GABRB2: variants seen among roughly 807,000 people sequenced by gnomAD.
The protein encoded by GABRB2 is gamma-aminobutyric acid receptor subunit beta-2.
GABRB2 carries 16 observed loss-of-function variants against 54.7 expected under a neutral mutation model. The observed-to-expected ratio is 0.29, with a 90% CI of 0.20 to 0.44. GABRB2 has a LOEUF of 0.44. GABRB2 is among the 20% of genes least tolerant of loss of function. The probability of loss-of-function intolerance (pLI) is 1.00; values close to 1 mark genes in which losing one functional copy is unlikely to be tolerated. For missense variants in GABRB2, 355 were observed against 644.0 expected, an observed-to-expected ratio of 0.55 and a Z score of 4.86; for synonymous variants, 244 against 233.8, an observed-to-expected ratio of 1.04 and a Z score of -0.40.
At chr5:161,542,941 T>A (rs1019801803) in intron 3 of GABRB2, among the ~76,000 whole-genome samples, 7 of 152,166 alleles carry the variant, frequency 4.6e-5, no homozygotes, top group Non-Finnish European at 1.0e-4. Context: ...CAAATAATCA[T>A]CTTTAAAAAA....
At chr5:161,369,164 T>C (rs1755058819) in intron 5 of GABRB2, among the ~76,000 whole-genome samples, 1 of 152,208 alleles carries the variant, frequency 6.6e-6, no homozygotes, top group South Asian at 2.1e-4. Flanking sequence ...TTAGAAATTC[T>C]GATAAAGTTC....
intron 5 of GABRB2, among the ~76,000 whole-genome samples, chr5:161,390,724 A>G (rs1018144658): frequency 1.3e-5 from 2 of 152,110 alleles, no homozygotes; most frequent in Non-Finnish European, 2.9e-5. Flanking sequence ...GTGAAATCTG[A>G]GAGCTAACAC....
At chr5:161,363,305 A>G (rs906202028) in intron 5 of GABRB2, among the ~76,000 whole-genome samples, 6 of 152,074 alleles carry the variant, frequency 3.9e-5, no homozygotes, top group African/African-American at 1.4e-4. Flanking sequence ...ACATGTTCTC[A>G]CTCATAAATG....
At chr5:161,498,320 T>A (rs1284486379) in intron 3 of GABRB2, among the ~76,000 whole-genome samples, 1 of 149,274 alleles carries the variant, frequency 6.7e-6, no homozygotes, top group East Asian at 2.0e-4. Flanking sequence ...CTTTCGTTAA[T>A]GAAAAGTTGA....
At chr5:161,535,716 G>A (rs930056059) in intron 3 of GABRB2, among the ~76,000 whole-genome samples, 2 of 152,090 alleles carry the variant, frequency 1.3e-5, no homozygotes, top group African/African-American at 4.8e-5. Context: ...CACAATACCT[G>A]CACAAGTTAA....
chr5:161,544,183 T>C (rs1265605622), intron 3 of GABRB2, among the ~76,000 whole-genome samples: 1 of 152,244 alleles, frequency 6.6e-6, no homozygotes, highest in Non-Finnish European at 1.5e-5. Flanking sequence ...TAAAAGTTTA[T>C]ATACTATACC....
chr5:161,498,610 G>A (rs887999266), intron 3 of GABRB2, among the ~76,000 whole-genome samples: 1 of 152,124 alleles, frequency 6.6e-6, no homozygotes, highest in African/African-American at 2.4e-5. Flanking sequence ...AGCTGAGGCA[G>A]GACTGGCTTG....
intron 5 of GABRB2, among the ~76,000 whole-genome samples, chr5:161,346,360 A>G (rs1416001861): frequency 6.6e-6 from 1 of 152,118 alleles, no homozygotes; most frequent in Non-Finnish European, 1.5e-5. Context: ...AAGTGGATAT[A>G]GTCACACAGA....
chr5:161,351,112 C>G lies in GABRB2; in HGVS notation c.542-14343G>C, dbSNP rs1001588291. On this transcript the variant is annotated intron_variant, in intron 5 of 9. Transcript: ENST00000393959. ...CACATGTTCATGAGTTGGAAGAATT[C>G]AAATTATTAAAATGTTCATATTACA... 2.0e-5 allele frequency among the ~76,000 whole-genome samples: 3 copies of G among 151,996 alleles called. No individual in the cohort carries two copies. In the East Asian group the frequency reaches 5.8e-4, roughly 29 times the overall value.
At chr5:161,391,392 A>G (rs1391779505) in intron 5 of GABRB2, among the ~76,000 whole-genome samples, 1 of 152,206 alleles carries the variant, frequency 6.6e-6, no homozygotes, top group Non-Finnish European at 1.5e-5. Flanking sequence ...AATCTGTGAT[A>G]TCAAAGAAGG....
At chr5:161,485,566 A>G (rs1399455408) in intron 3 of GABRB2, among the ~76,000 whole-genome samples, 1 of 151,986 alleles carries the variant, frequency 6.6e-6, no homozygotes, top group African/African-American at 2.4e-5. Context: ...TTCATTTTAT[A>G]GTACCTGTCC....
chr5:161,309,632 AT>A (rs35978513), intron 9 of GABRB2, among the ~76,000 whole-genome samples: 4,761 of 145,426 alleles, frequency 0.033, 244 homozygotes, highest in African/African-American at 0.11. Context: ...GATAGACTAA[AT>A]TTTTTTTTTT....
chr5:161,442,700 A>G (rs1757501793), intron 4 of GABRB2, among the ~76,000 whole-genome samples: 1 of 151,980 alleles, frequency 6.6e-6, no homozygotes, highest in African/African-American at 2.4e-5. Context: ...AGCCACTGAC[A>G]CTCAATCTGC....
At chr5:161,386,308 A>G (rs900212563) in intron 5 of GABRB2, among the ~76,000 whole-genome samples, 6 of 152,132 alleles carry the variant, frequency 3.9e-5, no homozygotes, top group African/African-American at 1.4e-4. Flanking sequence ...ATGTCATTCA[A>G]TTATCTCCAC....
At chr5:161,544,064 T>A (rs73797408) in intron 3 of GABRB2, among the ~76,000 whole-genome samples, 1 of 152,184 alleles carries the variant, frequency 6.6e-6, no homozygotes, top group Non-Finnish European at 1.5e-5. Context: ...GTATGAGGAC[T>A]ATGTTGGTTA....
chr5:161,477,178 T>C (rs1310371334), intron 3 of GABRB2, among the ~76,000 whole-genome samples: 2 of 151,298 alleles, frequency 1.3e-5, no homozygotes, highest in South Asian at 4.1e-4. Flanking sequence ...CATATGTATA[T>C]ATTCTGAAAA....
At chr5:161,536,138 C>T (rs990559594) in intron 3 of GABRB2, among the ~76,000 whole-genome samples, 1 of 152,138 alleles carries the variant, frequency 6.6e-6, no homozygotes, top group African/African-American at 2.4e-5. Flanking sequence ...TATACAGTCT[C>T]AGGTACTCTG....
At chr5:161,533,181 G>A (rs989061583) in intron 3 of GABRB2, among the ~76,000 whole-genome samples, 2 of 152,086 alleles carry the variant, frequency 1.3e-5, no homozygotes, top group African/African-American at 4.8e-5. Context: ...TGAACAAAGA[G>A]AACAACAGCA....
At position 161,482,665 on chromosome 5, in the gene GABRB2, C is replaced by T. The variant is rs189552415; in HGVS notation, c.238-22821G>A. Among the ~76,000 whole-genome samples, 7 of 152,178 alleles carry T rather than the reference C, an allele frequency of 4.6e-5. No homozygotes were observed. The East Asian group carries it at 9.7e-4, about 21-fold the overall frequency. On this transcript the variant is annotated intron_variant, in intron 3 of 9. Coordinates refer to ENST00000393959, the MANE Select transcript of GABRB2 (RefSeq NM_001371727.1). The stretch of plus-strand genomic sequence containing the variant: ...TAAAAATAAATGCTTTATAAATCTG[C>T]ATGTCATAGTTATCCAAAGATGCCC...
Sources: gnomAD v4.1 joint callset for allele counts (sites outside exome capture counted in the v4.1 genomes callset) on GRCh38, gnomAD v4.1.1 for gene constraint, MANE v1.5 for transcripts, NCBI Gene and HGNC (gene_info 2026-07-23, HGNC 2026-07-21) for gene names.